The following DNAJC3 variants were observed in gnomAD, a reference collection of about 807,000 sequenced individuals.
DNAJC3 encodes DnaJ heat shock protein family (Hsp40) member C3.
In DNAJC3, 38 loss-of-function variants were observed where a neutral mutation model predicts 68.6. That is an observed-to-expected ratio of 0.55 (90% CI 0.43 to 0.73). The LOEUF is 0.73. Ranked by LOEUF, DNAJC3 falls within the 30% of genes least tolerant of loss-of-function variation. The pLI is 0.00. For missense variants in DNAJC3, 526 were observed against 591.9 expected (o/e 0.89, Z 1.16); for synonymous variants, 203 against 204.0 (o/e 1.00, Z 0.04).
At chr13:95,700,868 T>C (rs2139616760) in intron 1 of DNAJC3, among the ~76,000 whole-genome samples, 1 of 152,336 alleles carries the variant, frequency 6.6e-6, no homozygotes, top group East Asian at 1.9e-4. Flanking sequence ...ATTGGTTTCC[T>C]TCTTCCTCTC....
At chr13:95,758,359 G>A (rs953937045) in intron 5 of DNAJC3, among the ~76,000 whole-genome samples, 3 of 151,882 alleles carry the variant, frequency 2.0e-5, no homozygotes, top group Non-Finnish European at 4.4e-5. Flanking sequence ...TAATTGGCTG[G>A]GTGTGGTGGC....
intron 2 of DNAJC3, among the ~76,000 whole-genome samples, chr13:95,721,160 T>G (rs938321060): frequency 6.6e-6 from 1 of 152,224 alleles, no homozygotes; most frequent in Non-Finnish European, 1.5e-5. Flanking sequence ...CATACAGTAT[T>G]TTCCTTTTGT....
At chr13:95,682,443 TG>T (rs1879942687) in intron 1 of DNAJC3, among the ~76,000 whole-genome samples, 1 of 152,110 alleles carries the variant, frequency 6.6e-6, no homozygotes, top group Non-Finnish European at 1.5e-5. Context: ...CAGTCTTGAT[TG>T]TAACTCACGT....
At chr13:95,738,717 C>G (rs1361506774) in intron 4 of DNAJC3, among the ~76,000 whole-genome samples, 1 of 152,108 alleles carries the variant, frequency 6.6e-6, no homozygotes, top group Non-Finnish European at 1.5e-5. Flanking sequence ...TTATGTGTGT[C>G]TCTGCACGTG....
chr13:95,689,580 T>C (rs1880172997), intron 1 of DNAJC3, among the ~76,000 whole-genome samples: 1 of 152,026 alleles, frequency 6.6e-6, no homozygotes. Flanking sequence ...TTTTTTTCTT[T>C]TTGGTCACAA....
chr13:95,720,373 A>G (rs779618507), intron 2 of DNAJC3, among the ~76,000 whole-genome samples: 1 of 152,208 alleles, frequency 6.6e-6, no homozygotes, highest in Non-Finnish European at 1.5e-5. Flanking sequence ...AAAGTAATCC[A>G]TATGTATTGT....
intron 4 of DNAJC3, among the ~76,000 whole-genome samples, chr13:95,727,221 G>A (rs1283149804): frequency 6.6e-6 from 1 of 151,936 alleles, no homozygotes; most frequent in African/African-American, 2.4e-5. Context: ...TTAAACTTGA[G>A]AGTAGTTTTT....
intron 9 of DNAJC3, among the ~76,000 whole-genome samples, chr13:95,766,449 A>G (rs1404931364): frequency 6.6e-6 from 1 of 152,168 alleles, no homozygotes; most frequent in African/African-American, 2.4e-5. Flanking sequence ...AATATTGGCA[A>G]AGTTTCTTTG....
At chr13:95,693,530 A>T (rs1342625393) in intron 1 of DNAJC3, 3 of 152,050 alleles carry the variant, frequency 2.0e-5, no homozygotes, top group African/African-American at 7.3e-5. Context: ...TCTTATCAGC[A>T]ATAGTATTAT....
At chr13:95,762,081 G>A (rs1256914811) in intron 7 of DNAJC3, among the ~76,000 whole-genome samples, 1 of 152,100 alleles carries the variant, frequency 6.6e-6, no homozygotes, top group African/African-American at 2.4e-5. Context: ...TGACCAACAC[G>A]GAGAAACCCT....
chr13:95,753,725 A>G (rs1882561183), intron 4 of DNAJC3, among the ~76,000 whole-genome samples: 1 of 152,230 alleles, frequency 6.6e-6, no homozygotes, highest in South Asian at 2.1e-4. Context: ...TGGAAAATAA[A>G]TTGAGCATCT....
intron 1 of DNAJC3, among the ~76,000 whole-genome samples, chr13:95,696,027 C>T (rs1880429898): frequency 6.6e-6 from 1 of 152,200 alleles, no homozygotes. Context: ...AGTACATACA[C>T]ACATAACCTT....
chr13:95,728,312 C>T (rs1239368971), intron 4 of DNAJC3, among the ~76,000 whole-genome samples: 8 of 152,346 alleles, frequency 5.3e-5, no homozygotes, highest in Non-Finnish European at 5.9e-5. Flanking sequence ...TACCATTTTA[C>T]ATTCCTCTGC....
Position 95,794,959 on chromosome 13 carries a change from T to G in DNAJC3, c.*3929T>G, listed in dbSNP as rs1883917054. The G allele has an allele frequency of 6.6e-6, 1 of 152,258 alleles. No homozygotes were observed. The highest frequency in any genetic ancestry group is 1.5e-5 in the Non-Finnish European group (1 of 68,050). 9.4% of individuals were successfully genotyped at this position (152,258 alleles called of 1,614,324 possible). ...TTTTTATGCCCGTGTATTTTCACAT[T>G]TAATAAAAATATTTATGGTCATATC... On this transcript the variant is annotated 3_prime_UTR_variant, in exon 12 of 12. Transcript: ENST00000602402.
intron 1 of DNAJC3, among the ~76,000 whole-genome samples, chr13:95,699,338 A>T (rs1880528521): frequency 6.6e-6 from 1 of 152,226 alleles, no homozygotes; most frequent in African/African-American, 2.4e-5. Flanking sequence ...TTTATCCTAG[A>T]AGGCAAGAGA....
At chr13:95,688,991 G>A (rs1238925773) in intron 1 of DNAJC3, among the ~76,000 whole-genome samples, 5 of 150,850 alleles carry the variant, frequency 3.3e-5, no homozygotes, top group African/African-American at 1.2e-4. Flanking sequence ...TAGTTTGCTA[G>A]TATTTTGTTG....
rs1019786044 is a variant in DNAJC3 at position 95,787,711 on chromosome 13, C to T, written c.1357+556C>T. ...TTTTTATTTTTTGTAGAAATGGGAT[C>T]TCACTGTGTTGCCCAGGCTGGTCTT... On this transcript the variant is annotated intron_variant, in intron 11 of 11. Coordinates refer to ENST00000602402, the MANE Select transcript of DNAJC3 (RefSeq NM_006260.5). 2.7e-5 allele frequency among the ~76,000 whole-genome samples: 4 copies of T among 150,828 alleles called. No homozygotes were observed. The East Asian group carries it at 7.8e-4, about 29-fold the overall frequency.
rs908328731 is a variant in DNAJC3, at chr13:95,792,136, A to G, written c.*1106A>G. On this transcript the variant is annotated 3_prime_UTR_variant, in exon 12 of 12. Transcript: ENST00000602402. ...GATTTTCTCCTGCCTACAAGAAAAT[A>G]CAGGCAAGGTTAGTCAGGTCTGGCT... is the stretch of plus-strand genomic sequence containing the variant. 6.6e-6 allele frequency: 1 copy of G among 152,218 alleles called. No individual in the cohort carries two copies. The highest frequency in any genetic ancestry group is 6.5e-5 in the Admixed American group (1 of 15,278). The allele number at this position is 152,218 out of a possible 1,614,324, so 9.4% of individuals were successfully genotyped here. A position where few individuals can be genotyped will look rare whatever the true frequency, so the allele number is the denominator to read the frequency against.
At chr13:95,678,992 GGAAA>G (rs1193503060) in intron 1 of DNAJC3, among the ~76,000 whole-genome samples, 1 of 152,096 alleles carries the variant, frequency 6.6e-6, no homozygotes, top group Non-Finnish European at 1.5e-5. Context: ...AACAGAAAAA[GGAAA>G]GAAAGGAGCC....
Sources: allele counts gnomAD v4.1 joint callset (sites outside exome capture counted in the v4.1 genomes callset), GRCh38; gene constraint gnomAD v4.1.1; transcripts MANE v1.5; gene names NCBI Gene and HGNC (gene_info 2026-07-23, HGNC 2026-07-21).